Variants in HSD17B14 observed in about 807,000 individuals in gnomAD.
HSD17B14 encodes L-fucose dehydrogenase.
HSD17B14 carries 32 observed loss-of-function variants against 32.2 expected under a neutral mutation model. That is an observed-to-expected ratio of 0.99 (90% CI 0.75 to 1.33). The LOEUF (loss-of-function observed/expected upper bound fraction) is 1.33. HSD17B14 is among the 40% of genes most tolerant of loss of function. The pLI is 0.00. For synonymous variants in HSD17B14, 140 were observed against 155.4 expected (o/e 0.90, Z 0.74); for missense variants, 370 against 366.5 (o/e 1.01, Z -0.08).
In HSD17B14 at chr19:48,813,321, C is replaced by T. The variant is rs948123523; in HGVS notation, c.667G>A (p.Glu223Lys). Residue 223 changes from glutamate (E) to lysine (K), a missense_variant, in exon 9 of 9, where the codon GAG becomes AAG. Glu to Lys is a moderately conservative substitution (Grantham distance 56, BLOSUM62 1). Coordinates refer to ENST00000263278, the MANE Select transcript of HSD17B14 (RefSeq NM_016246.3). ...QPLGRMGQPA[E>K]VGAAAVFLAS... ...AGGAACACTGCCGCAGCCCCGACCT[C>T]AGCGGGCTGGCCCATGCGGCCCAGT... The T allele has an allele frequency of 5.0e-6, 8 of 1,593,840 alleles. No individual in the cohort carries two copies. Among genetic ancestry groups the T allele is most frequent in the African/African-American group, 1.3e-5 (1 of 74,670 alleles).
chr19:48,816,830 T>C (rs1237691014), intron 5 of HSD17B14, among the ~76,000 whole-genome samples: 2 of 149,936 alleles, frequency 1.3e-5, no homozygotes, highest in East Asian at 2.0e-4. Flanking sequence ...TTTCTTTTCT[T>C]TCTCTCTCTC....
chr19:48,824,471 A>C (rs1416561868), intron 5 of HSD17B14, among the ~76,000 whole-genome samples: 2 of 151,134 alleles, frequency 1.3e-5, no homozygotes, highest in Non-Finnish European at 2.9e-5. Flanking sequence ...GAAGGAAGAA[A>C]GAGAGAAAGA....
chr19:48,832,810 T>C, intron 3 of HSD17B14, 78 bp from the exon 4 acceptor site: 1 of 1,239,370 alleles, frequency 8.1e-7, no homozygotes, highest in South Asian at 1.3e-5. Context: ...CTGGAGTGCA[T>C]TGGCACGATC....
intron 5 of HSD17B14, among the ~76,000 whole-genome samples, chr19:48,830,805 G>C (rs1431007888): frequency 6.6e-6 from 1 of 150,770 alleles, no homozygotes; most frequent in East Asian, 1.9e-4. Flanking sequence ...TTACAGCTGT[G>C]AGCTACTGGA....
chr19:48,831,773 TGAGA>T lies in HSD17B14; in HGVS notation c.278-18_278-15del, dbSNP rs760329248. The T allele has an allele frequency of 1.3e-5, 20 of 1,504,824 alleles. No homozygotes were observed. The highest frequency in any genetic ancestry group is 1.8e-5 in the Non-Finnish European group (20 of 1,091,590). The allele number at this position is 1,504,824 out of a possible 1,614,324, so 93.2% of individuals were successfully genotyped here. On this transcript the variant is annotated splice_polypyrimidine_tract_variant and intron_variant, in intron 4 of 8. Transcript: ENST00000263278. ...GTGGGGGTGGGTCTAAAGTGGGGGG[TGAGA>T]GAGAGAGGAAAAGTGACGGGGGCTG...
intron 6 of HSD17B14, among the ~76,000 whole-genome samples, chr19:48,814,764 A>G (rs908386393): frequency 4.6e-5 from 7 of 151,782 alleles, no homozygotes; most frequent in African/African-American, 1.7e-4. Context: ...GAATCCCTTG[A>G]ACCCAGGAGG....
chr19:48,825,329 T>A (rs995240848), intron 5 of HSD17B14, among the ~76,000 whole-genome samples: 2 of 151,980 alleles, frequency 1.3e-5, no homozygotes, highest in African/African-American at 4.8e-5. Context: ...TTGTTTTGTT[T>A]GAGACAAGTT....
intron 5 of HSD17B14, among the ~76,000 whole-genome samples, chr19:48,826,166 G>C (rs1005526097): frequency 6.6e-6 from 1 of 151,900 alleles, no homozygotes; most frequent in Non-Finnish European, 1.5e-5. Flanking sequence ...GGTGGTTTAT[G>C]TGAAATCTGC....
chr19:48,833,777 G>A (rs2035391682), intron 3 of HSD17B14, among the ~76,000 whole-genome samples: 1 of 150,784 alleles, frequency 6.6e-6, no homozygotes, highest in East Asian at 1.9e-4. Flanking sequence ...GGTGAGCCGA[G>A]ATCACACCAT....
intron 5 of HSD17B14, among the ~76,000 whole-genome samples, chr19:48,824,826 T>C (rs973075732): frequency 1.3e-5 from 2 of 151,574 alleles, no homozygotes; most frequent in African/African-American, 4.8e-5. Flanking sequence ...GGAGTTTCAG[T>C]ACACATGAAT....
At chr19:48,833,597 C>T (rs1025437773) in intron 3 of HSD17B14, among the ~76,000 whole-genome samples, 37 of 151,250 alleles carry the variant, frequency 2.4e-4, no homozygotes, top group African/African-American at 7.5e-4. Flanking sequence ...GAGGCTGAGG[C>T]GGGCGGATCA....
chr19:48,825,600 T>C (rs1262424563), intron 5 of HSD17B14, among the ~76,000 whole-genome samples: 4 of 151,624 alleles, frequency 2.6e-5, no homozygotes, highest in African/African-American at 9.7e-5. Flanking sequence ...ATGATAAATA[T>C]TGATAAGAGT....
At chr19:48,832,937 T>C (rs908622971) in intron 3 of HSD17B14, among the ~76,000 whole-genome samples, 4 of 151,574 alleles carry the variant, frequency 2.6e-5, no homozygotes, top group Non-Finnish European at 5.9e-5. Context: ...TACTTTTTAG[T>C]AGAGACAGGG....
chr19:48,815,870 A>C (rs1351622772), intron 5 of HSD17B14, among the ~76,000 whole-genome samples: 1 of 151,734 alleles, frequency 6.6e-6, no homozygotes, highest in African/African-American at 2.4e-5. Flanking sequence ...AAAAATACAA[A>C]ATTAGCCAGG....
intron 5 of HSD17B14, among the ~76,000 whole-genome samples, chr19:48,830,478 C>T (rs993994011): frequency 6.6e-6 from 1 of 152,096 alleles, no homozygotes; most frequent in African/African-American, 2.4e-5. Context: ...CCCCCCTCCC[C>T]TTTCTAAACC....
intron 4 of HSD17B14, 83 bp downstream of exon 4, chr19:48,832,583 G>A: frequency 8.3e-7 from 1 of 1,204,428 alleles, no homozygotes; most frequent in Non-Finnish European, 1.2e-6. Context: ...GGGAATCAGG[G>A]GCAGGGAGTG....
At chr19:48,835,594 G>A (rs1398201204) in intron 2 of HSD17B14, among the ~76,000 whole-genome samples, 1 of 145,030 alleles carries the variant, frequency 6.9e-6, no homozygotes, top group South Asian at 2.2e-4. Context: ...GAGGGGCTGG[G>A]GACCTGGACT....
At chr19:48,814,193 T>TA (rs1555775573) in intron 6 of HSD17B14, among the ~76,000 whole-genome samples, 73 of 82,676 alleles carry the variant, frequency 8.8e-4, no homozygotes, top group East Asian at 4.8e-3. Flanking sequence ...AGACCCTATC[T>TA]AAAAAAAAAA....
intron 5 of HSD17B14, among the ~76,000 whole-genome samples, chr19:48,827,857 T>C (rs1232398911): frequency 7.4e-6 from 1 of 135,786 alleles, no homozygotes; most frequent in Non-Finnish European, 1.6e-5. Context: ...CCTTTTTTTT[T>C]TCTTTTTTTT....
Sources: allele counts gnomAD v4.1 joint callset (sites outside exome capture counted in the v4.1 genomes callset), GRCh38; gene constraint gnomAD v4.1.1; transcripts MANE v1.5; gene names NCBI Gene and HGNC (gene_info 2026-07-23, HGNC 2026-07-21).